PPP1R13L: variants seen among roughly 807,000 people sequenced by gnomAD.
PPP1R13L encodes relA-associated inhibitor.
PPP1R13L carries 50 observed loss-of-function variants against 80.9 expected under a neutral mutation model. The observed-to-expected ratio is 0.62, with a 90% CI of 0.49 to 0.78. The LOEUF is 0.78. PPP1R13L is among the 30% of genes least tolerant of loss of function. The pLI is 0.00. For missense variants in PPP1R13L, 1,200 were observed against 1,205.9 expected (o/e 1.00, Z 0.07); for synonymous variants, 602 against 534.3 (o/e 1.13, Z -1.75).
rs181470327 is a variant in PPP1R13L at position 45,395,937 on chromosome 19, G to A, written c.904-51C>T. The A allele has an allele frequency of 3.0e-4, 450 of 1,479,714 alleles. No individual in the cohort carries two copies. In the African/African-American group the frequency reaches 4.5e-3, roughly 15 times the overall value. 91.7% of individuals were successfully genotyped at this position (1,479,714 alleles called of 1,614,324 possible). A position where few individuals can be genotyped will look rare whatever the true frequency, so the allele number is the denominator to read the frequency against. On this transcript the variant is annotated intron_variant, in intron 6 of 12. Coordinates refer to ENST00000360957, the MANE Select transcript of PPP1R13L (RefSeq NM_006663.4). ...GATCGGGTGAGAGAGGGAAGGTGGA[G>A]GGGAGGTAAAGACAAAAGACGAGAA...
rs371538363 is a variant in PPP1R13L, at chr19:45,396,904, G to A, written c.353C>T (p.Pro118Leu). The A allele has an allele frequency of 2.2e-5, 34 of 1,511,156 alleles. No individual in the cohort carries two copies. Among genetic ancestry groups the A allele is most frequent in the Non-Finnish European group, 2.7e-5 (31 of 1,138,014 alleles). The allele number at this position is 1,511,156 out of a possible 1,614,324, so 93.6% of individuals were successfully genotyped here. The change falls in exon 4 of 13, where the codon CCG (proline) becomes CTG (leucine). Residue 118 changes from proline (P) to leucine (L), a missense_variant. This residue lies in a region of PPP1R13L where 764 missense variants were observed against 714.5 expected (regional missense o/e 1.07). Transcript: ENST00000360957. This position sits in a 1 kb window ranked among gnomAD's most constrained non-coding sequence, Gnocchi z 5.3. ...PYSPLSPKGR[P>L]SSPRTPLYLQ... ...GTAGAGCGGGGTGCGCGGCGACGAC[G>A]GCCGTCCCTTGGGGGACAGCGGGCT...
At chr19:45,401,826 A>C (rs1973238583) in intron 1 of PPP1R13L, among the ~76,000 whole-genome samples, 1 of 151,780 alleles carries the variant, frequency 6.6e-6, no homozygotes, top group African/African-American at 2.4e-5. Flanking sequence ...AGGGCCGGGC[A>C]TGGTAGCTTC....
rs1022200956 is a variant in PPP1R13L at position 45,398,404 on chromosome 19, T to C, written c.-21-65A>G. 2.0e-6 allele frequency: 3 copies of C among 1,478,258 alleles called. No homozygotes were observed. In the African/African-American group the frequency reaches 4.2e-5, roughly 21 times the overall value. 91.6% of individuals were successfully genotyped at this position (1,478,258 alleles called of 1,614,324 possible). On this transcript the variant is annotated intron_variant, in intron 1 of 12. Coordinates refer to ENST00000360957, the MANE Select transcript of PPP1R13L (RefSeq NM_006663.4). ...CCCTCTAGACCCCGCCCTCAGGGAG[T>C]CAGACGCCGTCAGGAGCGGGACAAC...
intron 8 of PPP1R13L, 62 bp from the exon 9 acceptor site, chr19:45,386,242 A>G: frequency 7.0e-7 from 1 of 1,434,294 alleles, no homozygotes; most frequent in South Asian, 1.5e-5. Flanking sequence ...CATGATCTAG[A>G]GTAGGAAACA....
At chr19:45,399,691 C>T (rs1973194144) in intron 1 of PPP1R13L, among the ~76,000 whole-genome samples, 1 of 151,794 alleles carries the variant, frequency 6.6e-6, no homozygotes, top group Admixed American at 6.6e-5. Flanking sequence ...CGGTGGTTCA[C>T]TCCTGTAACC....
chr19:45,398,222 G>C, intron 2 of PPP1R13L, 42 bp downstream of exon 2: 1 of 1,613,136 alleles, frequency 6.2e-7, no homozygotes, highest in Middle Eastern at 1.7e-4. Flanking sequence ...GCCCGCTGCC[G>C]AGGTCCCCGC....
Position 45,385,955 on chromosome 19 carries a change from C to T in PPP1R13L, c.1950G>A (p.Met650Ile). The change falls in exon 10 of 13, where the codon ATG (methionine) becomes ATA (isoleucine). Residue 650 changes from methionine to isoleucine, a missense_variant and splice_region_variant. This residue lies in a region of PPP1R13L where 214 missense variants were observed against 199.6 expected (regional missense o/e 1.07). Transcript: ENST00000360957. The stretch of plus-strand genomic sequence containing the variant: ...CCTCGTTGGGCTGGCTCGGGTCGTT[C>T]ATCTGAGTGCACCGGGGGAGGGGGA... ...LEVVQQAVKE[M>I]NDPSQPNEEG... 1 of 1,610,282 alleles carries T rather than the reference C, an allele frequency of 6.2e-7. No individual in the cohort carries two copies. Among genetic ancestry groups the T allele is most frequent in the Non-Finnish European group, 8.5e-7 (1 of 1,178,790 alleles).
chr19:45,405,065 ACGGGG>A (rs1164620243), exon 1 of PPP1R13L: 8 of 985,822 alleles, frequency 8.1e-6, no homozygotes, highest in East Asian at 9.1e-4. Flanking sequence ...GGAGCGGAGA[ACGGGG>A]CGGGGCAGGA....
intron 8 of PPP1R13L, among the ~76,000 whole-genome samples, chr19:45,386,631 CTTTTT>C (rs34881055): frequency 4.5e-5 from 6 of 133,612 alleles, no homozygotes; most frequent in African/African-American, 5.6e-5. Context: ...TTCTTTTTCT[CTTTTT>C]TTTTTTTTTT....
At chr19:45,403,850 T>G (rs1973275882) in intron 1 of PPP1R13L, among the ~76,000 whole-genome samples, 2 of 150,746 alleles carry the variant, frequency 1.3e-5, no homozygotes, top group African/African-American at 4.9e-5. Flanking sequence ...CGCATGGGGG[T>G]GGAGAGAACG....
At chr19:45,397,506 C>CTTTCTTTCTT (rs1973136378) in intron 3 of PPP1R13L, among the ~76,000 whole-genome samples, 1 of 120,990 alleles carries the variant, frequency 8.3e-6, no homozygotes, top group African/African-American at 3.4e-5. Context: ...TTCTTTCTTT[C>CTTTCTTTCTT]TTTCTTTCTT....
chr19:45,397,490 C>CTTTCTTTCTTTCTTTCTTT (rs1973134559), intron 3 of PPP1R13L, among the ~76,000 whole-genome samples: 1 of 113,534 alleles, frequency 8.8e-6, no homozygotes, highest in Non-Finnish European at 1.7e-5. Context: ...TTCTTTCTTT[C>CTTTCTTTCTTTCTTTCTTT]TTTCTTTCTT....
At chr19:45,381,909 C>T (rs763232174) in intron 12 of PPP1R13L, among the ~76,000 whole-genome samples, 4 of 151,852 alleles carry the variant, frequency 2.6e-5, no homozygotes, top group Admixed American at 1.3e-4. Flanking sequence ...CACTGCACTC[C>T]AGTCTGGGTG....
At position 45,386,031 on chromosome 19, in the gene PPP1R13L, C is replaced by G. The variant is rs1199019863; in HGVS notation, c.1947+18G>C. 5 of 1,590,256 alleles carry G rather than the reference C, an allele frequency of 3.1e-6. No individual in the cohort carries two copies. In the South Asian group the frequency reaches 5.7e-5, roughly 18 times the overall value. ...GCGATGCCCCCGCCGTGCCCACCTCCCGCTCAGCAGCGCTCACCTCCTTCA... is the reference window on the plus strand; with the variant it reads ...GCGATGCCCCCGCCGTGCCCACCTCGCGCTCAGCAGCGCTCACCTCCTTCA... On this transcript the variant is annotated intron_variant, in intron 9 of 12. Transcript: ENST00000360957.
intron 8 of PPP1R13L, among the ~76,000 whole-genome samples, chr19:45,388,430 C>T (rs1972909515): frequency 6.6e-6 from 1 of 151,458 alleles, no homozygotes; most frequent in South Asian, 2.1e-4. Context: ...TAAATATTAT[C>T]TGGGAGTGGT....
rs1406218840 is a variant in PPP1R13L at position 45,385,554 on chromosome 19, C to T, written c.2248+8G>A. 1.2e-6 allele frequency: 2 copies of T among 1,607,806 alleles called. No homozygotes were observed. The highest frequency in any genetic ancestry group is 8.5e-7 in the Non-Finnish European group (1 of 1,176,756). Reference sequence around the variant, plus strand: ...AGGTACCCAGGCGCCAGCAGCCCTGCCTCGCACCTGCCAGGTAGGTGGCGC... The same window carrying T: ...AGGTACCCAGGCGCCAGCAGCCCTGTCTCGCACCTGCCAGGTAGGTGGCGC... On this transcript the variant is annotated splice_region_variant and intron_variant, in intron 11 of 12. Coordinates refer to ENST00000360957, the MANE Select transcript of PPP1R13L (RefSeq NM_006663.4).
rs377288674 is a variant in PPP1R13L, at chr19:45,379,883, G to C, written c.*307C>G. The C allele has an allele frequency of 1.5e-3, 419 of 273,538 alleles. 6 individuals are homozygous for C. The highest frequency in any genetic ancestry group is 0.015 in the South Asian group (247 of 16,868). 16.9% of individuals were successfully genotyped at this position (273,538 alleles called of 1,614,324 possible). Reference sequence around the variant, plus strand: ...TGGGCAGGTGGCTGGCTTGCTGGGGGATGTGATGATGGTGGTAGGCATGGG... The same window carrying C: ...TGGGCAGGTGGCTGGCTTGCTGGGGCATGTGATGATGGTGGTAGGCATGGG... On this transcript the variant is annotated 3_prime_UTR_variant, in exon 13 of 13. Transcript: ENST00000360957.
At chr19:45,395,937 G>C in intron 6 of PPP1R13L, 51 bp from the exon 7 acceptor site, 1 of 1,479,718 alleles carries the variant, frequency 6.8e-7, no homozygotes, top group Non-Finnish European at 9.2e-7. Context: ...GGAAGGTGGA[G>C]GGGAGGTAAA....
At chr19:45,402,280 G>A (rs1265544724) in intron 1 of PPP1R13L, among the ~76,000 whole-genome samples, 1 of 152,042 alleles carries the variant, frequency 6.6e-6, no homozygotes, top group African/African-American at 2.4e-5. Flanking sequence ...AGTCTCTCTC[G>A]CGCCTGTGGT....
Sources: gnomAD v4.1 joint callset for allele counts (sites outside exome capture counted in the v4.1 genomes callset) on GRCh38, gnomAD v4.1.1 for gene constraint, gnomAD v4.1.1 regional missense constraint, Gnocchi (gnomAD v3.1) non-coding constraint, MANE v1.5 for transcripts, NCBI Gene and HGNC (gene_info 2026-07-23, HGNC 2026-07-21) for gene names.